The following DNAH8 variants were observed in gnomAD, a reference collection of about 807,000 sequenced individuals.
The protein encoded by DNAH8 is dynein axonemal heavy chain 8.
Under a neutral mutation model 562.1 loss-of-function variants are expected in DNAH8, and 382 were observed. That is an observed-to-expected ratio of 0.68 (90% CI 0.63 to 0.74). The LOEUF (loss-of-function observed/expected upper bound fraction) is 0.74, where lower values mean the gene tolerates loss of function less well. Among genes scored for constraint, DNAH8 ranks in the 30% least tolerant of loss-of-function variants. DNAH8 has a pLI of 0.00. For synonymous variants in DNAH8, 1,881 were observed against 1,919.4 expected (o/e 0.98, Z 0.52); for missense variants, 5,203 against 5,620.4 (o/e 0.93, Z 2.37).
chr6:39,014,312 G>A (rs1487513249), intron 91 of DNAH8, among the ~76,000 whole-genome samples: 1 of 152,138 alleles, frequency 6.6e-6, no homozygotes, highest in East Asian at 1.9e-4. Context: ...CTCAGATTTT[G>A]TGTGTCTACT....
chr6:38,917,412 T>G lies in DNAH8; in HGVS notation c.10308+6T>G. On this transcript the variant is annotated splice_donor_region_variant and intron_variant, in intron 69 of 92. Coordinates refer to ENST00000327475, the MANE Select transcript of DNAH8 (RefSeq NM_001206927.2). ...CATGGGGAGAGTCATTAAAGGTAAG[T>G]AAAATCTATCATTGTCAATCCTATG... 6.2e-7 allele frequency: 1 copy of G among 1,611,574 alleles called. No homozygotes were observed. Among genetic ancestry groups the G allele is most frequent in the African/African-American group, 1.3e-5 (1 of 74,970 alleles).
At chr6:38,810,035 A>G (rs1264759773) in intron 24 of DNAH8, among the ~76,000 whole-genome samples, 1 of 152,064 alleles carries the variant, frequency 6.6e-6, no homozygotes, top group Non-Finnish European at 1.5e-5. Context: ...AAAATATTTT[A>G]TACCTGATAA....
intron 38 of DNAH8, 83 bp from the exon 39 acceptor site, chr6:38,851,489 T>C: frequency 1.3e-6 from 1 of 768,650 alleles, no homozygotes; most frequent in South Asian, 1.8e-5. Flanking sequence ...AGCAAAGATG[T>C]TAGTGATTAT....
At chr6:38,932,575 T>C (rs1224321116) in intron 76 of DNAH8, among the ~76,000 whole-genome samples, 1 of 152,204 alleles carries the variant, frequency 6.6e-6, no homozygotes, top group Non-Finnish European at 1.5e-5. Context: ...GTTTTATGCA[T>C]AAAATATAAT....
chr6:38,846,501 C>G (rs923077298), intron 36 of DNAH8, among the ~76,000 whole-genome samples: 1 of 152,188 alleles, frequency 6.6e-6, no homozygotes, highest in African/African-American at 2.4e-5. Flanking sequence ...GTTGGGATCA[C>G]TGGTTAGTGA....
At chr6:38,780,797 C>CTA (rs1348472008) in intron 15 of DNAH8, among the ~76,000 whole-genome samples, 1 of 151,866 alleles carries the variant, frequency 6.6e-6, no homozygotes, top group African/African-American at 2.4e-5. Context: ...ACGAGTTTAC[C>CTA]TATATAACAA....
intron 91 of DNAH8, among the ~76,000 whole-genome samples, 199 bp downstream of exon 91, chr6:39,012,836 A>G (rs1679264681): frequency 6.6e-6 from 1 of 152,216 alleles, no homozygotes; most frequent in Admixed American, 6.5e-5. Context: ...CTTCCTATCA[A>G]TTCTTTACAA....
In DNAH8 at chr6:38,938,121, G is replaced by T. The variant is rs1352970938; in HGVS notation, c.11711G>T (p.Arg3904Leu). 6.2e-7 allele frequency: 1 copy of T among 1,614,038 alleles called. No individual in the cohort carries two copies. The highest frequency in any genetic ancestry group is 2.2e-5 in the East Asian group (1 of 44,838). The part of the protein sequence containing the change: ...AQEEFRPAAT[R>L]GSILYFLITE... ...GAGGAGTTCCGGCCCGCAGCCACCCGCGGAAGCATCCTCTACTTCCTCATC... is the reference window on the plus strand; with the variant it reads ...GAGGAGTTCCGGCCCGCAGCCACCCTCGGAAGCATCCTCTACTTCCTCATC... Residue 3904 changes from arginine (R) to leucine (L), a missense_variant, in exon 78 of 93, where the codon CGC (arginine) becomes CTC (leucine). Transcript: ENST00000327475.
chr6:39,024,027 T>A (rs1036772112), intron 91 of DNAH8, among the ~76,000 whole-genome samples: 6 of 152,226 alleles, frequency 3.9e-5, no homozygotes, highest in Admixed American at 3.3e-4. Context: ...ACATGATGTC[T>A]CCTTATTTTC....
chr6:38,953,170 T>A (rs530461835), intron 82 of DNAH8: 1 of 152,188 alleles, frequency 6.6e-6, no homozygotes, highest in South Asian at 2.1e-4. Context: ...CAAGTTCCAA[T>A]ATCCAGGGAA....
intron 11 of DNAH8, among the ~76,000 whole-genome samples, chr6:38,767,227 A>G (rs1188869851): frequency 6.6e-6 from 1 of 152,194 alleles, no homozygotes; most frequent in East Asian, 1.9e-4. Context: ...ACCTGAGGTT[A>G]GGAGTTCAAG....
At chr6:38,832,548 CG>C (rs2150355239) in intron 31 of DNAH8, 113 bp downstream of exon 31, 1 of 613,848 alleles carries the variant, frequency 1.6e-6, no homozygotes, top group African/African-American at 1.8e-5. Context: ...GCTATATTTG[CG>C]TATTTGCAGC....
chr6:38,780,500 T>C lies in DNAH8; in HGVS notation c.2139+435T>C, dbSNP rs1203249398. Among the ~76,000 whole-genome samples, 4 of 151,674 alleles carry C rather than the reference T, an allele frequency of 2.6e-5. No homozygotes were observed. In the South Asian group the frequency reaches 8.4e-4, roughly 32 times the overall value. ...GTGGTAGATACACCATGGAATGTTA[T>C]GCATCCAAAAAAAAAATGAATGAGA... On this transcript the variant is annotated intron_variant, in intron 15 of 92. Coordinates refer to ENST00000327475, the MANE Select transcript of DNAH8 (RefSeq NM_001206927.2).
intron 62 of DNAH8, among the ~76,000 whole-genome samples, chr6:38,901,383 G>A (rs1203695534): frequency 2.0e-5 from 3 of 152,020 alleles, no homozygotes; most frequent in African/African-American, 7.2e-5. Flanking sequence ...CATAGGAGTT[G>A]TGATTATTAT....
intron 48 of DNAH8, among the ~76,000 whole-genome samples, chr6:38,868,497 A>G (rs1727732136): frequency 6.6e-6 from 1 of 152,186 alleles, no homozygotes. Flanking sequence ...ACAAATTCTC[A>G]GCATAAGAAT....
chr6:38,845,076 CA>C (rs35736496), intron 35 of DNAH8, among the ~76,000 whole-genome samples: 35,661 of 147,126 alleles, frequency 0.24, 4,763 homozygotes, highest in African/African-American at 0.37. Flanking sequence ...TAAGTATTCT[CA>C]AAAAAAAAAT....
intron 1 of DNAH8, among the ~76,000 whole-genome samples, chr6:38,718,816 C>A (rs181485363): frequency 4.7e-4 from 72 of 152,250 alleles, no homozygotes; most frequent in Non-Finnish European, 8.1e-4. Flanking sequence ...TGTTTGTGGT[C>A]TTTTGGAAGA....
At position 39,029,993 on chromosome 6, in the gene DNAH8, A is replaced by G; in HGVS notation, c.13837-112A>G. ...CCCGGTGGTGCTTTCTCCCTTTGGT[A>G]GTGTTTTAAGACTGGTGTGTGTTTT... On this transcript the variant is annotated intron_variant, in intron 92 of 92. Transcript: ENST00000327475. 3.8e-6 allele frequency: 3 copies of G among 797,662 alleles called. No individual in the cohort carries two copies. In the South Asian group the frequency reaches 5.3e-5, roughly 14 times the overall value. 49.4% of individuals were successfully genotyped at this position (797,662 alleles called of 1,614,324 possible).
chr6:38,789,811 G>A lies in DNAH8; in HGVS notation c.2592G>A (p.Leu864=), dbSNP rs1294429755. Residue 864 remains leucine, a synonymous_variant, in exon 19 of 93, where the codon CTG becomes CTA. Coordinates refer to ENST00000327475, the MANE Select transcript of DNAH8 (RefSeq NM_001206927.2). ...KADKLYLQGL[L]QYYDELCQEV... Reference sequence around the variant, plus strand: ...ATTTCAACTTCCTACAGGGTCTTCTGCAATATTATGATGAGTTATGTCAGG... The same window carrying A: ...ATTTCAACTTCCTACAGGGTCTTCTACAATATTATGATGAGTTATGTCAGG... The A allele has an allele frequency of 6.2e-7, 1 of 1,608,140 alleles. No homozygotes were observed. The highest frequency in any genetic ancestry group is 2.2e-5 in the East Asian group (1 of 44,700).
Sources: allele counts gnomAD v4.1 joint callset (sites outside exome capture counted in the v4.1 genomes callset), GRCh38; gene constraint gnomAD v4.1.1; transcripts MANE v1.5; gene names NCBI Gene and HGNC (gene_info 2026-07-23, HGNC 2026-07-21).